The following APOL4 variants were observed in gnomAD, a reference collection of about 807,000 sequenced individuals.
The protein encoded by APOL4 is apolipoprotein L, 4.
A neutral mutation model predicts 12.1 loss-of-function variants in APOL4; 14 were observed. The ratio of observed to expected loss-of-function variants is 1.16; its 90% confidence interval spans 0.76 to 1.81. The LOEUF (loss-of-function observed/expected upper bound fraction) is 1.81. APOL4 is among the 40% of genes most tolerant of loss of function. APOL4 has a pLI of 0.00. For synonymous variants in APOL4, 171 were observed against 160.6 expected (o/e 1.06, Z -0.49); for missense variants, 432 against 423.1 (o/e 1.02, Z -0.18).
At chr22:36,197,438 G>T (rs2014443571) in intron 2 of APOL4, 3 of 632,114 alleles carry the variant, frequency 4.7e-6, no homozygotes, top group South Asian at 4.4e-5. Flanking sequence ...GAAACTCAGG[G>T]TTGGATGGAG....
At chr22:36,202,181 A>C, upstream of APOL4, 453 of 1,298,990 alleles carry the variant, frequency 3.5e-4, no homozygotes, top group East Asian at 8.4e-4. Context: ...ATCCTAGCTC[A>C]TTGCTGCCTA....
In APOL4 at chr22:36,191,003, A is replaced by G. The variant is rs1184423318; in HGVS notation, c.*72T>C. 1 of 1,314,296 alleles carries G rather than the reference A, an allele frequency of 7.6e-7. No individual in the cohort carries two copies. The allele number at this position is 1,314,296 out of a possible 1,614,324, so 81.4% of individuals were successfully genotyped here. On this transcript the variant is annotated 3_prime_UTR_variant, in exon 4 of 4. Coordinates refer to ENST00000683024, the MANE Select transcript of APOL4 (RefSeq NM_001386885.1). Reference sequence around the variant, plus strand: ...AATAAATGTCCATGAAATCTTCACAATCCACGTTCTTCTGCCATGGCTTCA... The same window carrying G: ...AATAAATGTCCATGAAATCTTCACAGTCCACGTTCTTCTGCCATGGCTTCA...
At chr22:36,204,689 CACCT>C, upstream of APOL4, 1 of 622,670 alleles carries the variant, frequency 1.6e-6, no homozygotes, top group South Asian at 2.5e-5. Context: ...GTGTGGATCT[CACCT>C]CCAGCTGTGC....
chr22:36,198,013 C>T (rs1298437542), intron 2 of APOL4, among the ~76,000 whole-genome samples: 1 of 152,196 alleles, frequency 6.6e-6, no homozygotes, highest in Non-Finnish European at 1.5e-5. Flanking sequence ...ATCCCCGCCT[C>T]TTCCCATAAA....
intron 3 of APOL4, 164 bp downstream of exon 3, chr22:36,195,147 G>A (rs936309352): frequency 9.0e-6 from 8 of 888,750 alleles, no homozygotes; most frequent in South Asian, 4.0e-5. Flanking sequence ...CACTGCCAGC[G>A]AAGCACTTGG....
chr22:36,199,700 G>C, intron 1 of APOL4: 1 of 1,498,822 alleles, frequency 6.7e-7, no homozygotes, highest in Non-Finnish European at 9.0e-7. Context: ...ATAGAGATGG[G>C]AAGGAACGTT....
At position 36,190,801 on chromosome 22, in the gene APOL4, T is replaced by C. The variant is rs1015103766; in HGVS notation, c.*274A>G. On this transcript the variant is annotated 3_prime_UTR_variant, in exon 4 of 4. Transcript: ENST00000683024. ...ACGCAATTATCACATGGTCCTGAGG[T>C]GACATACATCCTCCTCAGCTGACAG... The C allele has an allele frequency of 9.5e-6, 4 of 419,532 alleles. No individual in the cohort carries two copies. The highest frequency in any genetic ancestry group is 3.8e-5 in the Admixed American group (1 of 26,594). 26.0% of individuals were successfully genotyped at this position (419,532 alleles called of 1,614,324 possible).
rs113674268 is a variant in APOL4, at chr22:36,193,567, G to T, written c.210-1655C>A. ...GCAATAACAGTTATCAGTGAGTTAC[G>T]TGAGTCCTTGTAGTGAATTATCCAA... On this transcript the variant is annotated intron_variant, in intron 3 of 3. Coordinates refer to ENST00000683024, the MANE Select transcript of APOL4 (RefSeq NM_001386885.1). 3.9e-3 allele frequency among the ~76,000 whole-genome samples: 587 copies of T among 152,302 alleles called. 6 individuals carry two copies. The highest frequency in any genetic ancestry group is 0.014 in the African/African-American group (566 of 41,546).
chr22:36,194,627 G>A (rs1223837497), intron 3 of APOL4, among the ~76,000 whole-genome samples: 6 of 152,126 alleles, frequency 3.9e-5, no homozygotes, highest in Non-Finnish European at 7.4e-5. Flanking sequence ...TTGGACAGAC[G>A]GCAGGTCCCA....
chr22:36,195,478 C>T, intron 2 of APOL4, 41 bp from the exon 3 acceptor site: 1 of 1,602,014 alleles, frequency 6.2e-7, no homozygotes, highest in South Asian at 1.1e-5. Context: ...AGAAAGTTTG[C>T]TACCACATAA....
At position 36,190,835 on chromosome 22, in the gene APOL4, G is replaced by A; in HGVS notation, c.*240C>T. The A allele has an allele frequency of 2.0e-6, 1 of 508,422 alleles. No individual in the cohort carries two copies. 31.5% of individuals were successfully genotyped at this position (508,422 alleles called of 1,614,324 possible). A position where few individuals can be genotyped will look rare whatever the true frequency, so the allele number is the denominator to read the frequency against. ...TCCTCCTCAGCTGACAGGATTAGGAGATTAAAGTAAAGACAGGCATAAGAA... is the reference window on the plus strand; with the variant it reads ...TCCTCCTCAGCTGACAGGATTAGGAAATTAAAGTAAAGACAGGCATAAGAA... On this transcript the variant is annotated 3_prime_UTR_variant, in exon 4 of 4. Transcript: ENST00000683024.
At chr22:36,203,336 G>A (rs1253313224), upstream of APOL4, among the ~76,000 whole-genome samples, 1 of 152,210 alleles carries the variant, frequency 6.6e-6, no homozygotes, top group Non-Finnish European at 1.5e-5. Context: ...GGCGGGGGTA[G>A]GTTAGTGAGG....
In APOL4 at chr22:36,199,522, A is replaced by T. The variant is rs1217624775; in HGVS notation, c.36-146T>A. 7 of 1,601,178 alleles carry T rather than the reference A, an allele frequency of 4.4e-6. No individual in the cohort carries two copies. The East Asian group carries it at 1.6e-4, about 36-fold the overall frequency. On this transcript the variant is annotated intron_variant, in intron 1 of 3. Transcript: ENST00000683024. ...AACCCAGATTCTTTCTCTATCACCA[A>T]GTCCCCATCATCTGCTATTTACAGA...
At chr22:36,193,733 G>T (rs1412664708) in intron 3 of APOL4, among the ~76,000 whole-genome samples, 2 of 152,178 alleles carry the variant, frequency 1.3e-5, no homozygotes. Flanking sequence ...AATTTGCCTG[G>T]CATGTTCTCT....
At chr22:36,197,361 G>A (rs117015963) in intron 2 of APOL4, 5,294 of 354,152 alleles carry the variant, frequency 0.015, 59 homozygotes, top group Admixed American at 0.026. Context: ...AATGAACGCA[G>A]TGCTGACTTG....
upstream of APOL4, chr22:36,201,835 G>T (rs132735): frequency 0.32 from 506,353 of 1,570,352 alleles, 91,647 homozygotes; most frequent in East Asian, 0.84. Context: ...GACACAGTGC[G>T]TCCCCTCTAG....
chr22:36,198,858 G>A (rs1194333913), intron 2 of APOL4, among the ~76,000 whole-genome samples: 1 of 152,202 alleles, frequency 6.6e-6, no homozygotes, highest in Non-Finnish European at 1.5e-5. Flanking sequence ...GAGCAGAGGG[G>A]CTGGTGCAGG....
upstream of APOL4, among the ~76,000 whole-genome samples, chr22:36,203,734 A>G (rs1188003749): frequency 6.6e-6 from 1 of 152,168 alleles, no homozygotes; most frequent in Non-Finnish European, 1.5e-5. Context: ...GCTTGTCCAT[A>G]TGGACAGGCG....
At position 36,199,312 on chromosome 22, in the gene APOL4, G is replaced by C. The variant is rs763819082; in HGVS notation, c.82+18C>G. On this transcript the variant is annotated intron_variant, in intron 2 of 3. Coordinates refer to ENST00000683024, the MANE Select transcript of APOL4 (RefSeq NM_001386885.1). Reference sequence around the variant, plus strand: ...GAGGAGGCGAGCCTACCAGCAGCCAGGTCTCTGAAAGGCTTACCTTGGAAC... The same window carrying C: ...GAGGAGGCGAGCCTACCAGCAGCCACGTCTCTGAAAGGCTTACCTTGGAAC... The C allele has an allele frequency of 5.6e-6, 9 of 1,614,034 alleles. No individual in the cohort carries two copies. The African/African-American group carries it at 9.3e-5, about 17-fold the overall frequency.
Sources: gnomAD v4.1 joint callset for allele counts (sites outside exome capture counted in the v4.1 genomes callset) on GRCh38, gnomAD v4.1.1 for gene constraint, MANE v1.5 for transcripts, NCBI Gene and HGNC (gene_info 2026-07-23, HGNC 2026-07-21) for gene names.